Variants in PEX14 observed in about 807,000 individuals in gnomAD.
The protein encoded by PEX14 is peroxisomal membrane protein PEX14.
PEX14 carries 15 observed loss-of-function variants against 49.5 expected under a neutral mutation model. The ratio of observed to expected loss-of-function variants is 0.30; its 90% CI spans 0.20 to 0.47. The LOEUF is 0.47. Among genes scored for constraint, PEX14 ranks in the 20% least tolerant of loss-of-function variants. The pLI is 1.00. For synonymous variants in PEX14, 210 were observed against 212.7 expected (o/e 0.99, Z 0.11); for missense variants, 398 against 494.8 (o/e 0.80, Z 1.86).
rs1424533550 is a variant in PEX14, at chr1:10,512,060, C to T, written c.84+16739C>T. Reference sequence around the variant, plus strand: ...CTGCACGCTCCGCCTCCCGGGTTTACGCCATTCTCCTGCCTCAGCTTCCCG... The same window carrying T: ...CTGCACGCTCCGCCTCCCGGGTTTATGCCATTCTCCTGCCTCAGCTTCCCG... On this transcript the variant is annotated intron_variant, in intron 2 of 8. Coordinates refer to ENST00000356607, the MANE Select transcript of PEX14 (RefSeq NM_004565.3). The surrounding 1 kb of genome is among the most constrained non-coding windows in gnomAD (Gnocchi z 4.6). 1.3e-5 allele frequency among the ~76,000 whole-genome samples: 2 copies of T among 152,074 alleles called. No individual in the cohort carries two copies. The highest frequency in any genetic ancestry group is 1.9e-4 in the East Asian group (1 of 5,192).
chr1:10,509,735 T>C (rs1641851326), intron 2 of PEX14, among the ~76,000 whole-genome samples: 1 of 152,218 alleles, frequency 6.6e-6, no homozygotes, highest in Non-Finnish European at 1.5e-5. Flanking sequence ...TAATCATTTT[T>C]TTCTTACCTC....
chr1:10,592,415 G>GA (rs991363658), intron 3 of PEX14, among the ~76,000 whole-genome samples: 93 of 146,932 alleles, frequency 6.3e-4, no homozygotes, highest in Middle Eastern at 3.5e-3. Context: ...GGGATTAAAA[G>GA]AAAAAAAAAA....
intron 3 of PEX14, among the ~76,000 whole-genome samples, chr1:10,554,104 A>C (rs1489397869): frequency 6.8e-6 from 1 of 147,982 alleles, no homozygotes; most frequent in Non-Finnish European, 1.5e-5. Flanking sequence ...CCTGGCTAAC[A>C]TGGTGAAACC....
At chr1:10,601,928 C>G (rs1640995951) in intron 4 of PEX14, among the ~76,000 whole-genome samples, 1 of 152,236 alleles carries the variant, frequency 6.6e-6, no homozygotes, top group African/African-American at 2.4e-5. Context: ...CCAGCTGTTT[C>G]CTCCAGTGGC....
At chr1:10,603,129 C>T (rs1641034001) in intron 4 of PEX14, among the ~76,000 whole-genome samples, 1 of 152,150 alleles carries the variant, frequency 6.6e-6, no homozygotes, top group African/African-American at 2.4e-5. Context: ...TGTGGTTGAC[C>T]TTGAGATGTT....
At chr1:10,564,263 C>G (rs974932226) in intron 3 of PEX14, among the ~76,000 whole-genome samples, 1 of 152,020 alleles carries the variant, frequency 6.6e-6, no homozygotes, top group African/African-American at 2.4e-5. Context: ...TTTCCATGTT[C>G]TTTATGTCTT....
In PEX14 at chr1:10,570,199, G is replaced by A. The variant is rs182371606; in HGVS notation, c.170-29039G>A. ...TTTCTGCTCTCAGGTGTTTATGAGA[G>A]TTCTTTCTTTTCTGTGTGTGTTCCC... On this transcript the variant is annotated intron_variant, in intron 3 of 8. Coordinates refer to ENST00000356607, the MANE Select transcript of PEX14 (RefSeq NM_004565.3). Among the ~76,000 whole-genome samples, 12 of 152,026 alleles carry A rather than the reference G, an allele frequency of 7.9e-5. No homozygotes were observed. The East Asian group carries it at 2.1e-3, about 27-fold the overall frequency.
chr1:10,511,788 G>A (rs138453744), intron 2 of PEX14, among the ~76,000 whole-genome samples: 2 of 152,020 alleles, frequency 1.3e-5, no homozygotes, highest in African/African-American at 4.8e-5. Context: ...TGACTTCTGT[G>A]GTCTCTGGGA....
chr1:10,538,681 C>T (rs1638910996), intron 3 of PEX14, among the ~76,000 whole-genome samples: 1 of 152,250 alleles, frequency 6.6e-6, no homozygotes. Context: ...CTCAGCACGG[C>T]CTGGCACCGT....
chr1:10,542,276 A>G (rs755148379), intron 3 of PEX14, among the ~76,000 whole-genome samples: 1 of 152,158 alleles, frequency 6.6e-6, no homozygotes, highest in Non-Finnish European at 1.5e-5. Context: ...ATCCACATGA[A>G]AGCATGTTAA....
chr1:10,585,614 G>T (rs1640458561), intron 3 of PEX14, among the ~76,000 whole-genome samples: 1 of 152,218 alleles, frequency 6.6e-6, no homozygotes, highest in Admixed American at 6.5e-5. Context: ...ACCAGACAAG[G>T]TGGTCTTAAA....
intron 4 of PEX14, among the ~76,000 whole-genome samples, chr1:10,614,648 C>T (rs1177196062): frequency 1.3e-5 from 2 of 152,230 alleles, no homozygotes; most frequent in African/African-American, 2.4e-5. Context: ...AGCCAAGTCA[C>T]AGCTGCTTTC....
Position 10,613,952 on chromosome 1 carries a change from C to T in PEX14, c.299-4380C>T, listed in dbSNP as rs1641341613. On this transcript the variant is annotated intron_variant, in intron 4 of 8. Coordinates refer to ENST00000356607, the MANE Select transcript of PEX14 (RefSeq NM_004565.3). This position sits in a 1 kb window ranked among gnomAD's most constrained non-coding sequence, Gnocchi z 5.0. ...AGAAGAGTGACTGCCCCATCTCCTG[C>T]CCTTGTCTTTATACCTCCGGACATT... Among the ~76,000 whole-genome samples, 2 of 152,248 alleles carry T rather than the reference C, an allele frequency of 1.3e-5. No homozygotes were observed. Among genetic ancestry groups the T allele is most frequent in the Admixed American group, 6.5e-5 (1 of 15,290 alleles).
rs1242575081 is a variant in PEX14 at position 10,625,280 on chromosome 1, C to G, written c.585+843C>G. 2.0e-5 allele frequency among the ~76,000 whole-genome samples: 3 copies of G among 152,260 alleles called. No homozygotes were observed. The South Asian group carries it at 6.2e-4, about 32-fold the overall frequency. ...GGCCCAGGAGACAGTGGCCTGGTAG[C>G]TCCAGAACACCCACTGGCTCCTCTC... On this transcript the variant is annotated intron_variant, in intron 7 of 8. Coordinates refer to ENST00000356607, the MANE Select transcript of PEX14 (RefSeq NM_004565.3).
Position 10,495,332 on chromosome 1 carries a change from A to G in PEX14, c.84+11A>G, listed in dbSNP as rs1324423072. The G allele has an allele frequency of 2.5e-6, 4 of 1,606,890 alleles. No individual in the cohort carries two copies. The highest frequency in any genetic ancestry group is 2.2e-5 in the South Asian group (2 of 90,730). On this transcript the variant is annotated intron_variant, in intron 2 of 8. Transcript: ENST00000356607. The surrounding 1 kb of genome is among the most constrained non-coding windows in gnomAD (Gnocchi z 4.2). ...CCTCGAGAGCCGCTGGTAAGTACCC[A>G]AGATATGTGGTATCACTTTCTAGTA...
intron 2 of PEX14, among the ~76,000 whole-genome samples, chr1:10,503,375 A>C (rs1018033203): frequency 2.7e-5 from 4 of 150,928 alleles, no homozygotes; most frequent in African/African-American, 9.7e-5. Context: ...GGTTATCTTA[A>C]CCAATACAAC....
intron 2 of PEX14, among the ~76,000 whole-genome samples, chr1:10,498,697 A>G (rs1408835631): frequency 6.6e-6 from 1 of 152,208 alleles, no homozygotes; most frequent in Non-Finnish European, 1.5e-5. Context: ...ATATCATGTC[A>G]TTAGGGCTAG....
intron 2 of PEX14, among the ~76,000 whole-genome samples, chr1:10,499,376 T>G (rs552921287): frequency 6.6e-6 from 1 of 152,160 alleles, no homozygotes; most frequent in East Asian, 1.9e-4. Context: ...CTTTTAGGTG[T>G]AGGTTCTTTT....
intron 3 of PEX14, among the ~76,000 whole-genome samples, chr1:10,553,310 G>T (rs1355909147): frequency 6.6e-6 from 1 of 152,124 alleles, no homozygotes; most frequent in African/African-American, 2.4e-5. Context: ...AGCTGGTGTG[G>T]AGGATAGCAG....
Sources: allele counts gnomAD v4.1 joint callset (sites outside exome capture counted in the v4.1 genomes callset), GRCh38; gene constraint gnomAD v4.1.1; non-coding constraint Gnocchi (gnomAD v3.1); transcripts MANE v1.5; gene names NCBI Gene and HGNC (gene_info 2026-07-23, HGNC 2026-07-21).